The following PEX5L variants were observed in gnomAD, a reference collection of about 807,000 sequenced individuals.
The protein encoded by PEX5L is peroxisomal biogenesis factor 5 like, also known as PEX5-related protein.
In PEX5L, 30 loss-of-function variants were observed where a neutral mutation model predicts 84.0. The ratio of observed to expected loss-of-function variants is 0.36; its 90% CI spans 0.27 to 0.48. The LOEUF is 0.48. PEX5L is among the 20% of genes least tolerant of loss of function. The pLI is 0.99. For synonymous variants in PEX5L, 270 were observed against 283.1 expected (o/e 0.95, Z 0.46); for missense variants, 533 against 754.6 (o/e 0.71, Z 3.44).
At chr3:179,920,665 C>T (rs1281182953) in intron 2 of PEX5L, among the ~76,000 whole-genome samples, 1 of 152,262 alleles carries the variant, frequency 6.6e-6, no homozygotes, top group African/African-American at 2.4e-5. Flanking sequence ...TGGTAGAATA[C>T]ATATCTATTC....
At chr3:179,930,350 TG>T (rs1772712701) in intron 2 of PEX5L, among the ~76,000 whole-genome samples, 1 of 152,240 alleles carries the variant, frequency 6.6e-6, no homozygotes, top group Non-Finnish European at 1.5e-5. Context: ...GCTGCACTCC[TG>T]TTATATATGG....
At chr3:179,846,194 G>A (rs1214210523) in intron 8 of PEX5L, among the ~76,000 whole-genome samples, 1 of 151,726 alleles carries the variant, frequency 6.6e-6, no homozygotes, top group Non-Finnish European at 1.5e-5. Context: ...AACTATGATA[G>A]TTAGTTTTTA....
At chr3:179,972,682 G>A (rs1391304114) in intron 1 of PEX5L, among the ~76,000 whole-genome samples, 1 of 152,062 alleles carries the variant, frequency 6.6e-6, no homozygotes, top group Non-Finnish European at 1.5e-5. Context: ...CTCATTCAGG[G>A]AAGAGATATA....
Position 179,814,635 on chromosome 3 carries a change from A to G in PEX5L, c.1083+1226T>C, listed in dbSNP as rs544916456. ...AAGAAGAAACCATTATATTGACACT[A>G]TCTTATGATAGGCCTTCACAGGTTT... On this transcript the variant is annotated intron_variant, in intron 10 of 14. Transcript: ENST00000467460. 3.2e-4 allele frequency among the ~76,000 whole-genome samples: 49 copies of G among 152,312 alleles called. 1 individual carries two copies. Among genetic ancestry groups the G allele is most frequent in the African/African-American group, 1.2e-3 (48 of 41,578 alleles).
At chr3:180,017,280 G>T (rs1042429181) in intron 1 of PEX5L, among the ~76,000 whole-genome samples, 1 of 152,010 alleles carries the variant, frequency 6.6e-6, no homozygotes, top group African/African-American at 2.4e-5. Flanking sequence ...CTGCTGTTTT[G>T]GGAAAGGGAC....
Position 179,797,832 on chromosome 3 carries a change from C to A in PEX5L, c.*3996G>T, listed in dbSNP as rs79243736. 2 of 151,620 alleles carry A rather than the reference C, an allele frequency of 1.3e-5. No individual in the cohort carries two copies. Among genetic ancestry groups the A allele is most frequent in the Non-Finnish European group, 2.9e-5 (2 of 67,888 alleles). 9.4% of individuals were successfully genotyped at this position (151,620 alleles called of 1,614,324 possible). On this transcript the variant is annotated 3_prime_UTR_variant, in exon 15 of 15. Transcript: ENST00000467460. Reference sequence around the variant, plus strand: ...CATATAAAGTAAGCCTTTAGAATACCCTGTTTCTAGAATGTTCTAGAAGTA... The same window carrying A: ...CATATAAAGTAAGCCTTTAGAATACACTGTTTCTAGAATGTTCTAGAAGTA...
At chr3:180,003,384 TA>T (rs61655411) in intron 1 of PEX5L, among the ~76,000 whole-genome samples, 2 of 149,762 alleles carry the variant, frequency 1.3e-5, no homozygotes, top group Non-Finnish European at 3.0e-5. Flanking sequence ...GACTGGGCAC[TA>T]AAAAAAAGAA....
At chr3:179,848,150 A>T (rs1005974607) in intron 8 of PEX5L, among the ~76,000 whole-genome samples, 5 of 152,156 alleles carry the variant, frequency 3.3e-5, no homozygotes, top group Admixed American at 6.5e-5. Context: ...ATGCTACAGA[A>T]AATTTTATAG....
chr3:179,814,738 G>C (rs574894698), intron 10 of PEX5L, among the ~76,000 whole-genome samples: 6 of 152,184 alleles, frequency 3.9e-5, no homozygotes, highest in Middle Eastern at 3.4e-3. Context: ...TTCTCATCTC[G>C]GAGAAAGGGG....
chr3:179,926,225 T>G (rs966339915), intron 2 of PEX5L, among the ~76,000 whole-genome samples: 1 of 152,178 alleles, frequency 6.6e-6, no homozygotes, highest in South Asian at 2.1e-4. Flanking sequence ...ACTGGTCCTC[T>G]TGCTGCTGGA....
At chr3:179,956,298 A>C (rs1432477980) in intron 2 of PEX5L, among the ~76,000 whole-genome samples, 1 of 152,164 alleles carries the variant, frequency 6.6e-6, no homozygotes, top group Non-Finnish European at 1.5e-5. Context: ...TCAGTTTAAG[A>C]GTTTTGCATT....
At position 180,020,888 on chromosome 3, in the gene PEX5L, A is replaced by G. The variant is rs538969543; in HGVS notation, c.21+15691T>C. On this transcript the variant is annotated intron_variant, in intron 1 of 14. Transcript: ENST00000467460. ...CTAATTAAGGCTAATTAAAAGATGA[A>G]TTTGTTCAACAATTCTTTATTTAAT... is the stretch of plus-strand genomic sequence containing the variant. Among the ~76,000 whole-genome samples the G allele has an allele frequency of 2.6e-5, 4 of 152,324 alleles. No individual in the cohort carries two copies. The South Asian group carries it at 8.3e-4, about 32-fold the overall frequency.
intron 2 of PEX5L, among the ~76,000 whole-genome samples, chr3:179,944,904 T>G (rs917507735): frequency 2.0e-5 from 3 of 152,206 alleles, no homozygotes; most frequent in Admixed American, 2.0e-4. Context: ...ATCAGGACGT[T>G]CACTCAGGTC....
chr3:179,949,683 A>G (rs578103250), intron 2 of PEX5L, among the ~76,000 whole-genome samples: 36 of 152,260 alleles, frequency 2.4e-4, no homozygotes, highest in African/African-American at 7.5e-4. Flanking sequence ...TTTTCATGCA[A>G]AGTAAGTCTA....
chr3:179,860,187 G>C (rs1000366568), intron 7 of PEX5L, among the ~76,000 whole-genome samples: 4 of 152,074 alleles, frequency 2.6e-5, no homozygotes, highest in African/African-American at 9.7e-5. Context: ...AATCTTGTTT[G>C]GTTACTTTTG....
intron 4 of PEX5L, among the ~76,000 whole-genome samples, chr3:179,883,374 A>C (rs1426449531): frequency 6.6e-6 from 1 of 152,128 alleles, no homozygotes; most frequent in Non-Finnish European, 1.5e-5. Context: ...TTTGCCAGTC[A>C]CCCTTGTAGC....
chr3:179,801,809 T>A lies in PEX5L; in HGVS notation c.*19A>T, dbSNP rs371721459. 3.2e-5 allele frequency: 45 copies of A among 1,407,770 alleles called. No homozygotes were observed. The highest frequency in any genetic ancestry group is 3.6e-5 in the Non-Finnish European group (36 of 991,622). 87.2% of individuals were successfully genotyped at this position (1,407,770 alleles called of 1,614,324 possible). A position where few individuals can be genotyped will look rare whatever the true frequency, so the allele number is the denominator to read the frequency against. ...AATCACACAGATCAGGGATTATTAGTACTGGTATTATTCTTTCTTCAAGGA... is the reference window on the plus strand; with the variant it reads ...AATCACACAGATCAGGGATTATTAGAACTGGTATTATTCTTTCTTCAAGGA... On this transcript the variant is annotated 3_prime_UTR_variant, in exon 15 of 15. Coordinates refer to ENST00000467460, the MANE Select transcript of PEX5L (RefSeq NM_016559.3).
chr3:179,975,144 G>A (rs1785610431), intron 1 of PEX5L, among the ~76,000 whole-genome samples: 1 of 152,058 alleles, frequency 6.6e-6, no homozygotes, highest in African/African-American at 2.4e-5. Context: ...AGCCATGAAT[G>A]CACTATTGCA....
chr3:179,861,581 G>A lies in PEX5L; in HGVS notation c.727-2424C>T, dbSNP rs550843380. Among the ~76,000 whole-genome samples, 14 of 152,328 alleles carry A rather than the reference G, an allele frequency of 9.2e-5. 1 individual carries two copies. In the South Asian group the frequency reaches 2.9e-3, roughly 32 times the overall value. ...AGGAGCATCAGCGCCTCACTGTTGGGTGGGCCAGGCTCATGGGCCACCATG... is the reference window on the plus strand; with the variant it reads ...AGGAGCATCAGCGCCTCACTGTTGGATGGGCCAGGCTCATGGGCCACCATG... On this transcript the variant is annotated intron_variant, in intron 7 of 14. Transcript: ENST00000467460.
Sources: gnomAD v4.1 joint callset for allele counts (sites outside exome capture counted in the v4.1 genomes callset) on GRCh38, gnomAD v4.1.1 for gene constraint, MANE v1.5 for transcripts, NCBI Gene and HGNC (gene_info 2026-07-23, HGNC 2026-07-21) for gene names.